The following STX18 variants were observed in gnomAD, a reference collection of about 807,000 sequenced individuals.
The protein encoded by STX18 is syntaxin-18.
In STX18, 40 loss-of-function variants were observed where a neutral mutation model predicts 50.1. The ratio of observed to expected loss-of-function variants is 0.80; its 90% CI spans 0.62 to 1.04. The LOEUF (loss-of-function observed/expected upper bound fraction) is 1.04, where lower values mean the gene tolerates loss of function less well. Among genes scored for constraint, STX18 ranks in the 50% least tolerant of loss-of-function variants. STX18 has a pLI of 0.00. For missense variants in STX18, 410 were observed against 415.8 expected (o/e 0.99, Z 0.12); for synonymous variants, 158 against 151.8 (o/e 1.04, Z -0.30).
At chr4:4,508,979 T>C (rs146422402) in intron 1 of STX18, among the ~76,000 whole-genome samples, 362 of 152,338 alleles carry the variant, frequency 2.4e-3, no homozygotes, top group African/African-American at 8.2e-3. Flanking sequence ...GGCATTTAGG[T>C]TGATTCCATG....
chr4:4,469,638 T>C (rs1727810370), intron 2 of STX18, among the ~76,000 whole-genome samples: 2 of 152,044 alleles, frequency 1.3e-5, no homozygotes, highest in African/African-American at 4.8e-5. Flanking sequence ...CCAGGAATCA[T>C]GAGCACAGCG....
intron 1 of STX18, among the ~76,000 whole-genome samples, chr4:4,529,618 C>T (rs967037193): frequency 6.6e-5 from 10 of 152,166 alleles, no homozygotes; most frequent in African/African-American, 2.4e-4. Flanking sequence ...CTGTGCATGC[C>T]CAAGAGCTGG....
intron 1 of STX18, among the ~76,000 whole-genome samples, chr4:4,475,184 A>G (rs887046689): frequency 3.3e-5 from 5 of 152,244 alleles, no homozygotes; most frequent in Non-Finnish European, 7.3e-5. Context: ...AAGAGGTTGC[A>G]GTTAGTCTAA....
At chr4:4,502,995 T>C (rs1443539151) in intron 1 of STX18, among the ~76,000 whole-genome samples, 1 of 152,194 alleles carries the variant, frequency 6.6e-6, no homozygotes, top group Non-Finnish European at 1.5e-5. Flanking sequence ...AGAACGTGAA[T>C]GACTCTAATG....
In STX18 at chr4:4,434,584, A is replaced by C. The variant is rs140951479; in HGVS notation, c.702+186T>G. Among the ~76,000 whole-genome samples, 324 of 152,332 alleles carry C rather than the reference A, an allele frequency of 2.1e-3. 6 individuals carry two copies. Among genetic ancestry groups the C allele is most frequent in the East Asian group, 0.012 (61 of 5,194 alleles). On this transcript the variant is annotated intron_variant, in intron 7 of 10. Coordinates refer to ENST00000306200, the MANE Select transcript of STX18 (RefSeq NM_016930.4). Reference sequence around the variant, plus strand: ...CTTTAATTATGCTACTGCAAATTTAAAGCATATGAAAAGCACCGTAAGAAT... The same window carrying C: ...CTTTAATTATGCTACTGCAAATTTACAGCATATGAAAAGCACCGTAAGAAT...
chr4:4,511,931 T>TG (rs1457018561), intron 1 of STX18, among the ~76,000 whole-genome samples: 1 of 152,006 alleles, frequency 6.6e-6, no homozygotes, highest in Non-Finnish European at 1.5e-5. Flanking sequence ...ATACTTTGTC[T>TG]GGGGGCGGAG....
chr4:4,452,540 A>G (rs370616656), intron 5 of STX18, among the ~76,000 whole-genome samples: 2 of 152,196 alleles, frequency 1.3e-5, no homozygotes, highest in South Asian at 4.1e-4. Flanking sequence ...CTCATTTACC[A>G]TTCCAAAAAT....
intron 1 of STX18, among the ~76,000 whole-genome samples, chr4:4,484,953 A>C (rs1189233748): frequency 6.6e-6 from 1 of 152,192 alleles, no homozygotes; most frequent in Non-Finnish European, 1.5e-5. Flanking sequence ...ACAGAACAAG[A>C]AGTTCCAACC....
intron 1 of STX18, among the ~76,000 whole-genome samples, chr4:4,485,693 C>T (rs1291419537): frequency 6.6e-6 from 1 of 152,224 alleles, no homozygotes; most frequent in Non-Finnish European, 1.5e-5. Context: ...GGGTGGACGG[C>T]AGGCACTGCT....
At chr4:4,471,573 C>A in intron 2 of STX18, 66 bp downstream of exon 2, 1 of 1,134,390 alleles carries the variant, frequency 8.8e-7, no homozygotes, top group Non-Finnish European at 1.2e-6. Flanking sequence ...GCAAAAAGCG[C>A]AAAAGAAATA....
chr4:4,524,813 T>C (rs1730674943), intron 1 of STX18, among the ~76,000 whole-genome samples: 1 of 152,228 alleles, frequency 6.6e-6, no homozygotes, highest in African/African-American at 2.4e-5. Flanking sequence ...CTGTAACTTA[T>C]AACCTTAGTA....
chr4:4,501,138 A>G (rs1729438800), intron 1 of STX18, among the ~76,000 whole-genome samples: 2 of 152,262 alleles, frequency 1.3e-5, no homozygotes, highest in Non-Finnish European at 2.9e-5. Context: ...AGGACAAATT[A>G]TGCTGTAATG....
chr4:4,512,605 A>G (rs929354090), intron 1 of STX18, among the ~76,000 whole-genome samples: 1 of 152,202 alleles, frequency 6.6e-6, no homozygotes, highest in South Asian at 2.1e-4. Flanking sequence ...CAGCCAGGAC[A>G]TTACCAGTCC....
intron 1 of STX18, among the ~76,000 whole-genome samples, chr4:4,517,765 G>A (rs1316597836): frequency 1.3e-5 from 2 of 151,276 alleles, no homozygotes; most frequent in African/African-American, 4.9e-5. Context: ...CCCTTTATAA[G>A]TGTTTTTTTT....
At chr4:4,531,176 C>CACACACACA in intron 1 of STX18, among the ~76,000 whole-genome samples, 1 of 151,844 alleles carries the variant, frequency 6.6e-6, no homozygotes, top group Non-Finnish European at 1.5e-5. Context: ...CACACACACA[C>CACACACACA]CCTGGACTAA....
chr4:4,531,072 C>T (rs150265629), intron 1 of STX18, among the ~76,000 whole-genome samples: 27 of 152,078 alleles, frequency 1.8e-4, no homozygotes, highest in African/African-American at 5.8e-4. Context: ...TCCCAAAGTG[C>T]TAACCAATTA....
Position 4,489,391 on chromosome 4 carries a change from A to ATTTTTTTTTTTTTTTTTTT in STX18, c.169-17704_169-17686dup, listed in dbSNP as rs34563523. Among the ~76,000 whole-genome samples, 12 of 51,676 alleles carry ATTTTTTTTTTTTTTTTTTT rather than the reference A, an allele frequency of 2.3e-4. 2 individuals carry two copies. Among genetic ancestry groups the ATTTTTTTTTTTTTTTTTTT allele is most frequent in the East Asian group, 5.3e-4 (1 of 1,900 alleles). The allele number at this position is 51,676 out of a possible 152,430, so 33.9% of individuals were successfully genotyped here. On this transcript the variant is annotated intron_variant, in intron 1 of 10. Coordinates refer to ENST00000306200, the MANE Select transcript of STX18 (RefSeq NM_016930.4). ...AGCACTTCAATACACATGCAAAATA[A>ATTTTTTTTTTTTTTTTTTT]TTTTTTTTTTTTTTTTTTTTTTTTT...
At chr4:4,504,695 G>A (rs1383560736) in intron 1 of STX18, among the ~76,000 whole-genome samples, 1 of 152,154 alleles carries the variant, frequency 6.6e-6, no homozygotes, top group African/African-American at 2.4e-5. Context: ...GGCAAGGGGG[G>A]CACATGAAAG....
chr4:4,482,425 C>G (rs1461588461), intron 1 of STX18, among the ~76,000 whole-genome samples: 2 of 152,186 alleles, frequency 1.3e-5, no homozygotes, highest in Non-Finnish European at 2.9e-5. Context: ...CTCCTAGTCC[C>G]TCCTGTTCTG....
Sources: gnomAD v4.1 joint callset for allele counts (sites outside exome capture counted in the v4.1 genomes callset) on GRCh38, gnomAD v4.1.1 for gene constraint, MANE v1.5 for transcripts, NCBI Gene and HGNC (gene_info 2026-07-23, HGNC 2026-07-21) for gene names.